Variants in GRM4 observed in about 807,000 individuals in gnomAD.
The protein encoded by GRM4 is metabotropic glutamate receptor 4.
In GRM4, 28 loss-of-function variants were observed where a neutral mutation model predicts 81.7. The ratio of observed to expected loss-of-function variants is 0.34; its 90% CI spans 0.25 to 0.47. The LOEUF (loss-of-function observed/expected upper bound fraction) is 0.47. GRM4 is among the 20% of genes least tolerant of loss of function. The pLI, the probability that GRM4 is intolerant of heterozygous loss-of-function variation, is 1.00. For missense variants in GRM4, 948 were observed against 1,290.0 expected (o/e 0.73, Z 4.06); for synonymous variants, 488 against 528.8 (o/e 0.92, Z 1.06).
chr6:34,043,529 T>C (rs1173455666), intron 6 of GRM4, among the ~76,000 whole-genome samples: 1 of 152,066 alleles, frequency 6.6e-6, no homozygotes, highest in East Asian at 1.9e-4. Flanking sequence ...ACTAAATTAT[T>C]AACCAGGGAT....
intron 6 of GRM4, among the ~76,000 whole-genome samples, chr6:34,053,770 G>A (rs953498592): frequency 9.2e-5 from 14 of 152,192 alleles, no homozygotes; most frequent in Admixed American, 6.5e-5. Context: ...AAATTAAACC[G>A]GAATGTCTAG....
Position 34,069,744 on chromosome 6 carries a change from T to C in GRM4, c.737-7716A>G, listed in dbSNP as rs769209755. 6.6e-6 allele frequency among the ~76,000 whole-genome samples: 1 copy of C among 151,646 alleles called. No individual in the cohort carries two copies. The highest frequency in any genetic ancestry group is 1.9e-4 in the East Asian group (1 of 5,140). On this transcript the variant is annotated intron_variant, in intron 3 of 10. Transcript: ENST00000538487. The surrounding 1 kb of genome is among the most constrained non-coding windows in gnomAD (Gnocchi z 6.4). Reference sequence around the variant, plus strand: ...GGTCTCCCTGATGCACCCAGTGAATTTGGATTTACTGCAACATCCAGGACT... The same window carrying C: ...GGTCTCCCTGATGCACCCAGTGAATCTGGATTTACTGCAACATCCAGGACT...
chr6:34,146,226 A>C, upstream of GRM4: 1 of 810,040 alleles, frequency 1.2e-6, no homozygotes, highest in Non-Finnish European at 1.5e-6. Context: ...CAAGTATATA[A>C]CAAGGGGAGA....
intron 2 of GRM4, chr6:34,102,110 G>A (rs1768873057): frequency 1.3e-6 from 2 of 1,535,446 alleles, no homozygotes; most frequent in Non-Finnish European, 1.7e-6. Context: ...CTTGGGAAGA[G>A]TTTGCACCAT....
At chr6:34,132,102 C>A (rs753680102) in intron 2 of GRM4, among the ~76,000 whole-genome samples, 14 of 152,166 alleles carry the variant, frequency 9.2e-5, no homozygotes, top group Non-Finnish European at 1.9e-4. Context: ...AGCAGCTTAG[C>A]GAAGCACTTG....
At chr6:34,110,754 C>A in intron 2 of GRM4, 1 of 1,488,176 alleles carries the variant, frequency 6.7e-7, no homozygotes, top group South Asian at 1.3e-5. Context: ...CCGTGAGTCC[C>A]CAGGGCATCA....
intron 10 of GRM4, among the ~76,000 whole-genome samples, chr6:34,025,204 C>T (rs1764069883): frequency 6.6e-6 from 1 of 152,144 alleles, no homozygotes; most frequent in African/African-American, 2.4e-5. Flanking sequence ...CTTCCAACTG[C>T]CTCCAACATC....
rs59146326 is a variant in GRM4, at chr6:34,134,663, T to TCCTC, written c.-363-808_-363-805dup. On this transcript the variant is annotated intron_variant, in intron 1 of 10. Coordinates refer to ENST00000538487, the MANE Select transcript of GRM4 (RefSeq NM_000841.4). ...AGCAGGCCTCCATTCAGCTTGCACA[T>TCCTC]CCTCCCTCCCTCCCTCCCTCCCTGA... Among the ~76,000 whole-genome samples, 14 of 150,956 alleles carry TCCTC rather than the reference T, an allele frequency of 9.3e-5. No homozygotes were observed. The South Asian group carries it at 1.7e-3, about 18-fold the overall frequency.
At chr6:34,107,827 G>C (rs148567556) in intron 2 of GRM4, among the ~76,000 whole-genome samples, 2 of 152,316 alleles carry the variant, frequency 1.3e-5, no homozygotes, top group South Asian at 2.1e-4. Context: ...AGCCTGGACC[G>C]GGGTGTCTAT....
At chr6:34,057,696 A>G (rs770105588) in intron 5 of GRM4, among the ~76,000 whole-genome samples, 20 of 152,192 alleles carry the variant, frequency 1.3e-4, no homozygotes, top group Non-Finnish European at 2.4e-4. Flanking sequence ...AGTTTCTCTA[A>G]TGTTCCTGAG....
At position 34,021,100 on chromosome 6, in the gene GRM4, C is replaced by A. The variant is rs558603247; in HGVS notation, c.*1721G>T. The A allele has an allele frequency of 1.6e-4, 24 of 152,388 alleles. No homozygotes were observed. The highest frequency in any genetic ancestry group is 5.8e-4 in the African/African-American group (24 of 41,564). The allele number at this position is 152,388 out of a possible 1,614,324, so 9.4% of individuals were successfully genotyped here. On this transcript the variant is annotated 3_prime_UTR_variant, in exon 11 of 11. Coordinates refer to ENST00000538487, the MANE Select transcript of GRM4 (RefSeq NM_000841.4). The surrounding 1 kb of genome is among the most constrained non-coding windows in gnomAD (Gnocchi z 5.3). ...CCCAGCCCCTAAGCGCTCCTGTTTC[C>A]CACCTCCCAACCTGCCAGGGAAGCC... is the stretch of plus-strand genomic sequence containing the variant.
chr6:34,129,251 G>A (rs1169818263), intron 2 of GRM4, among the ~76,000 whole-genome samples: 1 of 152,160 alleles, frequency 6.6e-6, no homozygotes, highest in African/African-American at 2.4e-5. Flanking sequence ...CTGACCTCAG[G>A]TGATCCACCC....
At chr6:34,032,379 C>T (rs1764480267) in intron 9 of GRM4, among the ~76,000 whole-genome samples, 1 of 152,236 alleles carries the variant, frequency 6.6e-6, no homozygotes, top group Non-Finnish European at 1.5e-5. Flanking sequence ...CAAACACACA[C>T]ACTTAGCAGC....
intron 1 of GRM4, 96 bp downstream of exon 1, chr6:34,145,904 C>T: frequency 1.3e-6 from 1 of 765,558 alleles, no homozygotes; most frequent in Non-Finnish European, 1.6e-6. Flanking sequence ...TCCACACCCG[C>T]CCTGCTGGCA....
At position 34,040,363 on chromosome 6, in the gene GRM4, G is replaced by A. The variant is rs756675949; in HGVS notation, c.1370-49C>T. ...TGCAGAGCCTTTACCCAGAGGCAGG[G>A]CGGATGATGAGCCTGGGGCAGAGAC... On this transcript the variant is annotated intron_variant, in intron 7 of 10. Coordinates refer to ENST00000538487, the MANE Select transcript of GRM4 (RefSeq NM_000841.4). The A allele has an allele frequency of 2.5e-6, 4 of 1,599,814 alleles. No individual in the cohort carries two copies. The East Asian group carries it at 9.0e-5, about 36-fold the overall frequency.
chr6:34,126,875 C>T (rs368704643), intron 2 of GRM4, among the ~76,000 whole-genome samples: 2 of 152,232 alleles, frequency 1.3e-5, no homozygotes, highest in East Asian at 1.9e-4. Flanking sequence ...CCAGCTCTGT[C>T]TCTGTCTCCT....
At chr6:34,062,101 C>T in intron 3 of GRM4, 73 bp from the exon 4 acceptor site, 2 of 1,495,562 alleles carry the variant, frequency 1.3e-6, no homozygotes, top group Non-Finnish European at 1.8e-6. Context: ...CCAACATACA[C>T]TCCGGGAGAT....
intron 2 of GRM4, among the ~76,000 whole-genome samples, chr6:34,124,050 G>GCCCTT (rs1284139230): frequency 1.3e-5 from 2 of 152,214 alleles, no homozygotes; most frequent in Non-Finnish European, 2.9e-5. Context: ...GGGCTGCTCA[G>GCCCTT]GGACCATCTG....
intron 2 of GRM4, among the ~76,000 whole-genome samples, chr6:34,131,731 A>G (rs1263607178): frequency 6.6e-6 from 1 of 152,200 alleles, no homozygotes; most frequent in Non-Finnish European, 1.5e-5. Context: ...GGCTTCCAGA[A>G]AGAGTCCCGG....
Sources: gnomAD v4.1 joint callset for allele counts (sites outside exome capture counted in the v4.1 genomes callset) on GRCh38, gnomAD v4.1.1 for gene constraint, Gnocchi (gnomAD v3.1) non-coding constraint, MANE v1.5 for transcripts, NCBI Gene and HGNC (gene_info 2026-07-23, HGNC 2026-07-21) for gene names.